GSR: variants seen among roughly 807,000 people sequenced by gnomAD.
GSR encodes glutathione-disulfide reductase, also known as glutathione reductase, mitochondrial.
A neutral mutation model predicts 56.5 loss-of-function variants in GSR; 48 were observed. That is an observed-to-expected ratio of 0.85 (90% CI 0.67 to 1.08). The LOEUF is 1.08. Ranked by LOEUF, GSR falls within the 50% of genes least tolerant of loss-of-function variation. The pLI, the probability that GSR is intolerant of heterozygous loss-of-function variation, is 0.00. For synonymous variants in GSR, 264 were observed against 270.8 expected (o/e 0.97, Z 0.25); for missense variants, 694 against 703.3 (o/e 0.99, Z 0.15).
intron 1 of GSR, among the ~76,000 whole-genome samples, chr8:30,724,444 GCTCCA>G (rs1227599998): frequency 6.6e-6 from 1 of 151,224 alleles, no homozygotes; most frequent in African/African-American, 2.4e-5. Flanking sequence ...GACACTCTGT[GCTCCA>G]AATTTGATTA....
chr8:30,708,000 T>A, intron 4 of GSR, 72 bp downstream of exon 4: 2 of 928,014 alleles, frequency 2.2e-6, no homozygotes, highest in South Asian at 2.6e-5. Flanking sequence ...AGGGCTACAG[T>A]CTGGCAAGAC....
At position 30,691,986 on chromosome 8, in the gene GSR, A is replaced by G. The variant is rs530368197; in HGVS notation, c.882+983T>C. Among the ~76,000 whole-genome samples, 4 of 151,726 alleles carry G rather than the reference A, an allele frequency of 2.6e-5. No individual in the cohort carries two copies. The South Asian group carries it at 8.3e-4, about 32-fold the overall frequency. Reference sequence around the variant, plus strand: ...CGTGGTGGCATGTGCCTGTAGTCCCAGCTACTTGGTGGGGGCAGAGGTGGA... The same window carrying G: ...CGTGGTGGCATGTGCCTGTAGTCCCGGCTACTTGGTGGGGGCAGAGGTGGA... On this transcript the variant is annotated intron_variant, in intron 8 of 12. Coordinates refer to ENST00000221130, the MANE Select transcript of GSR (RefSeq NM_000637.5).
intron 6 of GSR, among the ~76,000 whole-genome samples, chr8:30,697,695 G>C (rs1443928382): frequency 6.6e-6 from 1 of 152,122 alleles, no homozygotes; most frequent in Non-Finnish European, 1.5e-5. Flanking sequence ...TGTTTTTAAA[G>C]CTCTTTAGCC....
In GSR at chr8:30,692,963, C is replaced by A; in HGVS notation, c.882+6G>T. On this transcript the variant is annotated splice_donor_region_variant and intron_variant, in intron 8 of 12. Transcript: ENST00000221130. Reference sequence around the variant, plus strand: ...GCCGCGTGCATGCCTGGGCTTGGCACTGTACCTGGGAGAACTTCAGCACCT... The same window carrying A: ...GCCGCGTGCATGCCTGGGCTTGGCAATGTACCTGGGAGAACTTCAGCACCT... 6.3e-7 allele frequency: 1 copy of A among 1,592,574 alleles called. No individual in the cohort carries two copies.
intron 6 of GSR, 125 bp downstream of exon 6, chr8:30,699,956 G>A: frequency 1.3e-6 from 1 of 781,500 alleles, no homozygotes; most frequent in Non-Finnish European, 2.4e-6. Flanking sequence ...CATGAAAAGA[G>A]AAGCTGTAAG....
chr8:30,723,854 C>T (rs996216100), intron 1 of GSR, among the ~76,000 whole-genome samples: 19 of 151,770 alleles, frequency 1.3e-4, no homozygotes, highest in Middle Eastern at 3.2e-3. Context: ...GGAGACTGGT[C>T]CAAAACAATG....
At chr8:30,723,363 C>G (rs116782884) in intron 1 of GSR, among the ~76,000 whole-genome samples, 4,702 of 152,180 alleles carry the variant, frequency 0.031, 197 homozygotes, top group African/African-American at 0.091. Flanking sequence ...TCAGTGGTAT[C>G]TACCTGCAGA....
At chr8:30,704,122 C>G (rs766021593) in intron 4 of GSR, among the ~76,000 whole-genome samples, 1 of 151,926 alleles carries the variant, frequency 6.6e-6, no homozygotes, top group Admixed American at 6.6e-5. Flanking sequence ...GTCGGGAGTT[C>G]GAGACCAGCC....
At position 30,686,532 on chromosome 8, in the gene GSR, T is replaced by A. The variant is rs1344081969; in HGVS notation, c.1042-2333A>T. On this transcript the variant is annotated intron_variant, in intron 9 of 12. Transcript: ENST00000221130. The stretch of plus-strand genomic sequence containing the variant: ...ACCTTGTGTCTACAAAAATTTTTTT[T>A]AAAAATTAGCCAGGTGTGGTGGACC... Among the ~76,000 whole-genome samples the A allele has an allele frequency of 4.6e-5, 7 of 152,004 alleles. No homozygotes were observed. In the East Asian group the frequency reaches 5.8e-4, roughly 13 times the overall value.
intron 12 of GSR, among the ~76,000 whole-genome samples, chr8:30,679,994 G>A (rs1194354340): frequency 2.0e-5 from 3 of 151,168 alleles, no homozygotes; most frequent in Non-Finnish European, 3.0e-5. Flanking sequence ...GGTGAGCCAC[G>A]GTGTCTGACT....
chr8:30,719,031 G>T (rs1410158533), intron 1 of GSR, among the ~76,000 whole-genome samples: 2 of 151,590 alleles, frequency 1.3e-5, no homozygotes, highest in African/African-American at 2.4e-5. Context: ...CTGAGTTCAA[G>T]CAATTCTCCA....
At chr8:30,724,368 A>G (rs950358712) in intron 1 of GSR, among the ~76,000 whole-genome samples, 2 of 152,096 alleles carry the variant, frequency 1.3e-5, no homozygotes, top group Admixed American at 1.3e-4. Context: ...CTGTGTGTCC[A>G]GAAACTCCAC....
Position 30,721,333 on chromosome 8 carries a change from C to A in GSR, c.306+6197G>T, listed in dbSNP as rs140136503. On this transcript the variant is annotated intron_variant, in intron 1 of 12. Coordinates refer to ENST00000221130, the MANE Select transcript of GSR (RefSeq NM_000637.5). ...CCTAGTGAATAGAAGGTAATGAATT[C>A]TCACTGACTGGAAGCCACTTACAAA... Among the ~76,000 whole-genome samples the A allele has an allele frequency of 5.1e-3, 773 of 152,262 alleles. 3 individuals are homozygous for A. The highest frequency in any genetic ancestry group is 7.6e-3 in the Non-Finnish European group (519 of 68,022).
rs1237886930 is a variant in GSR at position 30,712,104 on chromosome 8, AG to A, written c.307-17del. On this transcript the variant is annotated splice_polypyrimidine_tract_variant and intron_variant, in intron 1 of 12. Transcript: ENST00000221130. ...CAACATTCACCTGGAAAAAAAAAAAAGAGACACACTTTAAGAATATTGAATT... is the reference window on the plus strand; with the variant it reads ...CAACATTCACCTGGAAAAAAAAAAAAAGACACACTTTAAGAATATTGAATT... 13 of 1,365,476 alleles carry A rather than the reference AG, an allele frequency of 9.5e-6. No homozygotes were observed. The East Asian group carries it at 1.4e-4, about 14-fold the overall frequency. 84.6% of individuals were successfully genotyped at this position (1,365,476 alleles called of 1,614,324 possible).
Position 30,682,075 on chromosome 8 carries a change from T to C in GSR, c.1154-14A>G. ...CAGCTATTGCAACTATGGAGATATTTTAAAATCAGTGTTTATCTTACTGTC... is the reference window on the plus strand; with the variant it reads ...CAGCTATTGCAACTATGGAGATATTCTAAAATCAGTGTTTATCTTACTGTC... On this transcript the variant is annotated splice_polypyrimidine_tract_variant and intron_variant, in intron 10 of 12. Transcript: ENST00000221130. 1 of 1,609,756 alleles carries C rather than the reference T, an allele frequency of 6.2e-7. No individual in the cohort carries two copies. Among genetic ancestry groups the C allele is most frequent in the Non-Finnish European group, 8.5e-7 (1 of 1,176,070 alleles).
chr8:30,710,260 G>A (rs1158264100), intron 2 of GSR, among the ~76,000 whole-genome samples: 5 of 151,996 alleles, frequency 3.3e-5, no homozygotes, highest in African/African-American at 4.8e-5. Context: ...AGGTTGTAGT[G>A]AGCCAAGATC....
chr8:30,689,448 A>G, intron 8 of GSR, 129 bp from the exon 9 acceptor site: 1 of 815,984 alleles, frequency 1.2e-6, no homozygotes, highest in Non-Finnish European at 2.1e-6. Flanking sequence ...CCACATACAA[A>G]GATAGACATA....
chr8:30,714,508 T>C (rs1349588682), intron 1 of GSR, among the ~76,000 whole-genome samples: 1 of 151,142 alleles, frequency 6.6e-6, no homozygotes, highest in Non-Finnish European at 1.5e-5. Flanking sequence ...GATATACTTT[T>C]TAAAAAAAAA....
At chr8:30,724,302 AACT>A (rs1475284262) in intron 1 of GSR, among the ~76,000 whole-genome samples, 1 of 152,148 alleles carries the variant, frequency 6.6e-6, no homozygotes, top group Non-Finnish European at 1.5e-5. Context: ...CTTACCACAA[AACT>A]ACTTTCACTG....
Sources: allele counts gnomAD v4.1 joint callset (sites outside exome capture counted in the v4.1 genomes callset), GRCh38; gene constraint gnomAD v4.1.1; transcripts MANE v1.5; gene names NCBI Gene and HGNC (gene_info 2026-07-23, HGNC 2026-07-21).